The following CDH4 variants were observed in gnomAD, a reference collection of about 807,000 sequenced individuals.
The protein encoded by CDH4 is cadherin-4.
A neutral mutation model predicts 86.0 loss-of-function variants in CDH4; 33 were observed. That is an observed-to-expected ratio of 0.38 (90% CI 0.29 to 0.51). The LOEUF is 0.51. CDH4 is among the 20% of genes least tolerant of loss of function. The pLI is 0.86. For missense variants in CDH4, 1,114 were observed against 1,307.4 expected (o/e 0.85, Z 2.28); for synonymous variants, 555 against 549.4 (o/e 1.01, Z -0.14).
chr20:61,890,543 A>G (rs557490848), intron 7 of CDH4, among the ~76,000 whole-genome samples: 1 of 150,576 alleles, frequency 6.6e-6, no homozygotes, highest in South Asian at 2.1e-4. Flanking sequence ...TGGATTATGA[A>G]TGGATGGATG....
intron 2 of CDH4, among the ~76,000 whole-genome samples, chr20:61,487,306 G>A (rs1037529286): frequency 1.3e-5 from 2 of 152,284 alleles, no homozygotes; most frequent in African/African-American, 4.8e-5. Context: ...GGAAGAAGTG[G>A]GAGGCCTGAG....
chr20:61,402,622 C>T (rs1263029965), intron 2 of CDH4, among the ~76,000 whole-genome samples: 1 of 152,166 alleles, frequency 6.6e-6, no homozygotes, highest in African/African-American at 2.4e-5. Flanking sequence ...AACTCTTGAC[C>T]TCAGGTGATC....
intron 8 of CDH4, among the ~76,000 whole-genome samples, chr20:61,899,331 T>C (rs576459277): frequency 6.6e-6 from 1 of 152,234 alleles, no homozygotes; most frequent in South Asian, 2.1e-4. Flanking sequence ...ATTGTTGTAG[T>C]TTAAAATGCA....
At chr20:61,647,213 G>A (rs941335574) in intron 2 of CDH4, among the ~76,000 whole-genome samples, 1 of 152,104 alleles carries the variant, frequency 6.6e-6, no homozygotes, top group African/African-American at 2.4e-5. Flanking sequence ...CTCAGCCTTG[G>A]GTAGGATCAG....
chr20:61,616,466 G>C (rs919795111), intron 2 of CDH4, among the ~76,000 whole-genome samples: 2 of 152,190 alleles, frequency 1.3e-5, no homozygotes, highest in African/African-American at 4.8e-5. Context: ...CCCACCCTGT[G>C]GGAGTTGGGG....
At chr20:61,530,178 A>G (rs964098336) in intron 2 of CDH4, among the ~76,000 whole-genome samples, 4 of 152,006 alleles carry the variant, frequency 2.6e-5, no homozygotes, top group African/African-American at 9.7e-5. Context: ...GATTATAGGG[A>G]ACCACCCCAC....
intron 2 of CDH4, among the ~76,000 whole-genome samples, chr20:61,447,624 C>CTTTTT (rs11204461): frequency 4.9e-5 from 5 of 102,028 alleles, no homozygotes; most frequent in South Asian, 3.4e-4. Flanking sequence ...ATTCTACTTC[C>CTTTTT]TTTTTTTTTT....
Position 61,544,253 on chromosome 20 carries a change from C to T in CDH4, c.170-199310C>T, listed in dbSNP as rs559509223. On this transcript the variant is annotated intron_variant, in intron 2 of 15. Transcript: ENST00000614565. The surrounding 1 kb of genome is among the most constrained non-coding windows in gnomAD (Gnocchi z 6.5). Reference sequence around the variant, plus strand: ...AGACCACAGTTGTGTATGTATATGGCGGGGTACGGCTGACATCGAGCGGGT... The same window carrying T: ...AGACCACAGTTGTGTATGTATATGGTGGGGTACGGCTGACATCGAGCGGGT... Among the ~76,000 whole-genome samples, 26 of 152,186 alleles carry T rather than the reference C, an allele frequency of 1.7e-4. No homozygotes were observed. The South Asian group carries it at 2.1e-3, about 12-fold the overall frequency.
At chr20:61,482,424 A>C (rs1342558777) in intron 2 of CDH4, among the ~76,000 whole-genome samples, 1 of 152,228 alleles carries the variant, frequency 6.6e-6, no homozygotes, top group African/African-American at 2.4e-5. Context: ...GGTGCCAGGA[A>C]GGGTGAGGTC....
At chr20:61,399,446 A>G (rs1239251912) in intron 2 of CDH4, among the ~76,000 whole-genome samples, 1 of 152,116 alleles carries the variant, frequency 6.6e-6, no homozygotes, top group Non-Finnish European at 1.5e-5. Context: ...CCCACTTTTT[A>G]AAAAGATTTT....
chr20:61,610,072 A>G (rs1209902600), intron 2 of CDH4, among the ~76,000 whole-genome samples: 2 of 152,178 alleles, frequency 1.3e-5, no homozygotes, highest in African/African-American at 4.8e-5. Flanking sequence ...TGTACTATCA[A>G]ACACTAGAAC....
chr20:61,596,033 T>G (rs952681144), intron 2 of CDH4, among the ~76,000 whole-genome samples: 2 of 152,208 alleles, frequency 1.3e-5, no homozygotes, highest in African/African-American at 4.8e-5. Context: ...GAGCATCCTT[T>G]GGGAACACAC....
At chr20:61,314,533 G>A (rs977025394) in intron 2 of CDH4, among the ~76,000 whole-genome samples, 1 of 152,188 alleles carries the variant, frequency 6.6e-6, no homozygotes, top group African/African-American at 2.4e-5. Flanking sequence ...TGGACACTGA[G>A]GTGGATTCCA....
At chr20:61,326,252 C>T (rs928401373) in intron 2 of CDH4, among the ~76,000 whole-genome samples, 2 of 152,196 alleles carry the variant, frequency 1.3e-5, no homozygotes, top group Non-Finnish European at 2.9e-5. Context: ...TTAGCTCATA[C>T]TAGGTTTTGT....
chr20:61,318,598 A>C (rs528333630), intron 2 of CDH4, among the ~76,000 whole-genome samples: 4 of 152,236 alleles, frequency 2.6e-5, no homozygotes, highest in Admixed American at 6.5e-5. Context: ...ACCATGGTCC[A>C]GAAGGCCTGG....
At chr20:61,525,795 T>C (rs1231891582) in intron 2 of CDH4, among the ~76,000 whole-genome samples, 2 of 152,166 alleles carry the variant, frequency 1.3e-5, no homozygotes, top group Non-Finnish European at 2.9e-5. Flanking sequence ...CCTATCCTCA[T>C]TTCAGGGAGG....
At chr20:61,573,459 G>A (rs2086359579) in intron 2 of CDH4, among the ~76,000 whole-genome samples, 1 of 152,218 alleles carries the variant, frequency 6.6e-6, no homozygotes, top group Non-Finnish European at 1.5e-5. Context: ...GCTATAATTA[G>A]ACCACCTGCC....
At chr20:61,820,410 C>T (rs1016968033) in intron 4 of CDH4, among the ~76,000 whole-genome samples, 1 of 152,262 alleles carries the variant, frequency 6.6e-6, no homozygotes, top group Non-Finnish European at 1.5e-5. Context: ...CCTCCGGGCA[C>T]CTGCCCACCT....
At chr20:61,258,388 C>T (rs550038365) in intron 2 of CDH4, among the ~76,000 whole-genome samples, 2 of 145,640 alleles carry the variant, frequency 1.4e-5, no homozygotes, top group South Asian at 4.4e-4. Flanking sequence ...AATGACTTAA[C>T]GTGACGTCCT....
Sources: gnomAD v4.1 joint callset for allele counts (sites outside exome capture counted in the v4.1 genomes callset) on GRCh38, gnomAD v4.1.1 for gene constraint, Gnocchi (gnomAD v3.1) non-coding constraint, MANE v1.5 for transcripts, NCBI Gene and HGNC (gene_info 2026-07-23, HGNC 2026-07-21) for gene names.